Variants in SCHIP1 observed in about 807,000 individuals in gnomAD.
The protein encoded by SCHIP1 is schwannomin interacting protein 1, also known as schwannomin-interacting protein 1.
SCHIP1 carries 8 observed loss-of-function variants against 29.7 expected under a neutral mutation model. The observed-to-expected ratio is 0.27, with a 90% CI of 0.16 to 0.49. The LOEUF (loss-of-function observed/expected upper bound fraction) is 0.49. Among genes scored for constraint, SCHIP1 ranks in the 20% least tolerant of loss-of-function variants. The pLI is 0.99. For synonymous variants in SCHIP1, 76 were observed against 94.9 expected (o/e 0.80, Z 1.16); for missense variants, 193 against 294.6 (o/e 0.66, Z 2.52).
intron 4 of SCHIP1, 170 bp from the exon 6 acceptor site, chr3:159,888,650 G>A (rs1717189653): frequency 1.1e-6 from 1 of 877,092 alleles, no homozygotes; most frequent in Non-Finnish European, 1.7e-6. Flanking sequence ...ATTAGGTAAT[G>A]TAGTGTGGAT....
the SCHIP1 span, among the ~76,000 whole-genome samples, chr3:159,617,783 G>A: frequency 3.3e-5 from 5 of 152,018 alleles, no homozygotes; most frequent in Admixed American, 2.0e-4. Flanking sequence ...TACAGCTCCC[G>A]TGCTTATGAA....
the SCHIP1 span, among the ~76,000 whole-genome samples, chr3:159,691,964 G>T: frequency 1.3e-5 from 2 of 150,724 alleles, no homozygotes; most frequent in African/African-American, 2.4e-5. Context: ...TCTGCAGAGA[G>T]ATCTGCTCTT....
the SCHIP1 span, among the ~76,000 whole-genome samples, chr3:159,388,201 T>G: frequency 6.6e-6 from 1 of 152,104 alleles, no homozygotes; most frequent in East Asian, 1.9e-4. Flanking sequence ...ACCTGGAATA[T>G]CTAAGACTAT....
chr3:159,335,650 A>G, the SCHIP1 span, among the ~76,000 whole-genome samples: 3 of 152,126 alleles, frequency 2.0e-5, no homozygotes, highest in Non-Finnish European at 4.4e-5. Flanking sequence ...AGCTTCATCC[A>G]TGTCCCTATA....
chr3:159,503,171 A>C, the SCHIP1 span, among the ~76,000 whole-genome samples: 2,613 of 152,294 alleles, frequency 0.017, 30 homozygotes, highest in Non-Finnish European at 0.025. Flanking sequence ...TATCCCTTAC[A>C]GGTGGCTCCC....
chr3:159,332,771 G>C, the SCHIP1 span, among the ~76,000 whole-genome samples: 1 of 152,176 alleles, frequency 6.6e-6, no homozygotes, highest in Non-Finnish European at 1.5e-5. Context: ...GGGCCTTGGG[G>C]GTGGGCAGGG....
At chr3:159,550,239 GAAT>G in the SCHIP1 span, among the ~76,000 whole-genome samples, 1 of 151,814 alleles carries the variant, frequency 6.6e-6, no homozygotes, top group African/African-American at 2.4e-5. Flanking sequence ...ATTATTAAAT[GAAT>G]AATATTATTA....
the SCHIP1 span, among the ~76,000 whole-genome samples, chr3:159,510,003 T>G: frequency 2.5e-4 from 38 of 152,222 alleles, no homozygotes; most frequent in African/African-American, 8.7e-4. Flanking sequence ...TCCTGAATTT[T>G]AATGTTGGCC....
chr3:159,673,780 AAACAACAACAAC>A, the SCHIP1 span, among the ~76,000 whole-genome samples: 1 of 152,126 alleles, frequency 6.6e-6, no homozygotes, highest in Non-Finnish European at 1.5e-5. Flanking sequence ...TTAATATTAA[AAACAACAACAAC>A]AACAACAAAA....
chr3:159,811,576 CA>C, the SCHIP1 span, among the ~76,000 whole-genome samples: 3 of 152,282 alleles, frequency 2.0e-5, no homozygotes, highest in South Asian at 6.2e-4. Flanking sequence ...GCACCTTTGT[CA>C]AAAAATCAAT....
At chr3:159,369,198 A>G in the SCHIP1 span, among the ~76,000 whole-genome samples, 1 of 152,206 alleles carries the variant, frequency 6.6e-6, no homozygotes, top group Non-Finnish European at 1.5e-5. Context: ...ATCTTCAGTA[A>G]CAACCTGTTA....
chr3:159,595,945 G>A, the SCHIP1 span, among the ~76,000 whole-genome samples: 16 of 152,104 alleles, frequency 1.1e-4, no homozygotes, highest in Admixed American at 2.6e-4. Context: ...AGCCAAAATC[G>A]ACAAATGGGA....
chr3:159,684,538 G>T, the SCHIP1 span, among the ~76,000 whole-genome samples: 1 of 152,062 alleles, frequency 6.6e-6, no homozygotes, highest in East Asian at 1.9e-4. Context: ...GGGTGTGGTG[G>T]CTCATGCCTG....
the SCHIP1 span, among the ~76,000 whole-genome samples, chr3:159,397,523 TA>T: frequency 6.6e-6 from 1 of 152,206 alleles, no homozygotes; most frequent in Non-Finnish European, 1.5e-5. Flanking sequence ...TTCTGTTTGT[TA>T]GTTTTCCTTC....
the SCHIP1 span, among the ~76,000 whole-genome samples, chr3:159,740,127 G>A: frequency 6.6e-6 from 1 of 152,220 alleles, no homozygotes; most frequent in Non-Finnish European, 1.5e-5. Flanking sequence ...ACCTCAGTGT[G>A]TCTCTGCAAA....
the SCHIP1 span, among the ~76,000 whole-genome samples, chr3:159,416,009 G>A: frequency 7.3e-6 from 1 of 136,256 alleles, no homozygotes; most frequent in African/African-American, 2.5e-5. Context: ...GAGTATAATG[G>A]GATAAAACCT....
At chr3:159,350,908 A>ATACT in the SCHIP1 span, among the ~76,000 whole-genome samples, 1 of 152,164 alleles carries the variant, frequency 6.6e-6, no homozygotes, top group African/African-American at 2.4e-5. Context: ...AAATTGATGA[A>ATACT]TACTTCTAAG....
At chr3:159,585,519 T>C in the SCHIP1 span, among the ~76,000 whole-genome samples, 1 of 152,188 alleles carries the variant, frequency 6.6e-6, no homozygotes, top group African/African-American at 2.4e-5. Context: ...GGGCAGAAGT[T>C]AGAACTGTTT....
At chr3:159,721,854 A>G in the SCHIP1 span, 2,971 of 408,362 alleles carry the variant, frequency 7.3e-3, 44 homozygotes, top group Admixed American at 0.034. Context: ...GCTGAGGTCC[A>G]CCTTGGGGAT....
Sources: allele counts gnomAD v4.1 joint callset (sites outside exome capture counted in the v4.1 genomes callset), GRCh38; gene constraint gnomAD v4.1.1; transcripts MANE v1.5; gene names NCBI Gene and HGNC (gene_info 2026-07-23, HGNC 2026-07-21).